The following MARCHF1 variants were observed in gnomAD, a reference collection of about 807,000 sequenced individuals.
MARCHF1 encodes the protein E3 ubiquitin-protein ligase MARCHF1.
A neutral mutation model predicts 54.2 loss-of-function variants in MARCHF1; 40 were observed. The ratio of observed to expected loss-of-function variants is 0.74; its 90% CI spans 0.57 to 0.96. The LOEUF (loss-of-function observed/expected upper bound fraction) is 0.96. Ranked by LOEUF, MARCHF1 falls within the 40% of genes least tolerant of loss-of-function variation. MARCHF1 has a pLI of 0.00. For synonymous variants in MARCHF1, 236 were observed against 236.3 expected, an observed-to-expected ratio of 1.00 and a Z score of 0.01; for missense variants, 586 against 656.5, an observed-to-expected ratio of 0.89 and a Z score of 1.17.
intron 1 of MARCHF1, among the ~76,000 whole-genome samples, chr4:164,234,124 C>T (rs1732485060): frequency 6.6e-6 from 1 of 152,034 alleles, no homozygotes; most frequent in Admixed American, 6.6e-5. Context: ...CTGGGAAAGT[C>T]ACAATGGAAT....
intron 5 of MARCHF1, among the ~76,000 whole-genome samples, chr4:163,676,289 G>T (rs1311464629): frequency 6.6e-6 from 1 of 151,182 alleles, no homozygotes; most frequent in Non-Finnish European, 1.5e-5. Context: ...CGCGGGAGGC[G>T]GATGTTGCAG....
chr4:163,724,900 G>A (rs186116918), intron 4 of MARCHF1, among the ~76,000 whole-genome samples: 180 of 152,228 alleles, frequency 1.2e-3, no homozygotes, highest in Admixed American at 1.8e-3. Flanking sequence ...TCCAGGTGCC[G>A]TCTGTCACCC....
intron 5 of MARCHF1, among the ~76,000 whole-genome samples, chr4:163,680,456 C>G (rs187071329): frequency 2.5e-4 from 38 of 152,256 alleles, no homozygotes; most frequent in Admixed American, 5.2e-4. Flanking sequence ...TTTGTCAAAC[C>G]TAATAATCTT....
chr4:163,569,053 A>G (rs1020887118), intron 8 of MARCHF1, among the ~76,000 whole-genome samples: 54 of 152,204 alleles, frequency 3.5e-4, no homozygotes, highest in African/African-American at 1.2e-3. Context: ...TGAGTTTTTC[A>G]CTTCTGCTTC....
intron 1 of MARCHF1, among the ~76,000 whole-genome samples, chr4:164,158,205 C>G (rs1730128945): frequency 6.6e-6 from 1 of 152,112 alleles, no homozygotes; most frequent in African/African-American, 2.4e-5. Context: ...AAAGACTCTT[C>G]CTATTATATT....
chr4:163,821,586 T>C (rs773743847), intron 4 of MARCHF1, among the ~76,000 whole-genome samples: 8 of 152,154 alleles, frequency 5.3e-5, no homozygotes, highest in Non-Finnish European at 1.2e-4. Context: ...AAAAAATTAA[T>C]CATAAAAATT....
rs146061695 is a variant in MARCHF1, at chr4:163,758,182, T to C, written c.112-57319A>G. Among the ~76,000 whole-genome samples the C allele has an allele frequency of 6.3e-3, 960 of 152,268 alleles. 3 individuals carry two copies. The highest frequency in any genetic ancestry group is 0.011 in the Non-Finnish European group (728 of 68,020). ...TAGTCAGATTTCCTGGGCCAGTCAC[T>C]TGGCTGAGGGATGAGGGAGTCTGGA... On this transcript the variant is annotated intron_variant, in intron 4 of 9. Coordinates refer to ENST00000514618, the MANE Select transcript of MARCHF1 (RefSeq NM_001394959.1).
At chr4:164,072,423 T>C (rs1479672028) in intron 2 of MARCHF1, among the ~76,000 whole-genome samples, 3 of 152,024 alleles carry the variant, frequency 2.0e-5, no homozygotes. Flanking sequence ...TAACTGGGTG[T>C]GGTGGTGTGT....
intron 2 of MARCHF1, among the ~76,000 whole-genome samples, chr4:164,063,875 A>G (rs1188903378): frequency 3.9e-5 from 6 of 152,162 alleles, no homozygotes; most frequent in Admixed American, 6.5e-5. Context: ...AATCTTCTGC[A>G]TATGGCTAGC....
intron 7 of MARCHF1, among the ~76,000 whole-genome samples, chr4:163,607,672 C>T (rs965707307): frequency 6.6e-6 from 1 of 152,106 alleles, no homozygotes; most frequent in African/African-American, 2.4e-5. Context: ...AGACATTTGG[C>T]TTTTCAAATA....
intron 1 of MARCHF1, among the ~76,000 whole-genome samples, chr4:164,236,451 C>CAT (rs1394489243): frequency 3.3e-5 from 5 of 152,052 alleles, no homozygotes; most frequent in Non-Finnish European, 4.4e-5. Context: ...AACTAGACAG[C>CAT]ACTTTGGCAC....
chr4:164,220,583 T>C (rs1197080106), intron 1 of MARCHF1, among the ~76,000 whole-genome samples: 1 of 136,508 alleles, frequency 7.3e-6, no homozygotes, highest in East Asian at 2.1e-4. Context: ...GTAATACATA[T>C]GATATATGTA....
chr4:164,048,634 A>G (rs1754290874), intron 2 of MARCHF1, among the ~76,000 whole-genome samples: 1 of 152,156 alleles, frequency 6.6e-6, no homozygotes, highest in African/African-American at 2.4e-5. Flanking sequence ...TCCAAAGTTG[A>G]TACACTAGAG....
intron 1 of MARCHF1, among the ~76,000 whole-genome samples, chr4:164,132,205 G>A (rs949307987): frequency 1.3e-5 from 2 of 151,706 alleles, no homozygotes; most frequent in South Asian, 2.1e-4. Context: ...CTCTTTCTTC[G>A]TTTCACGAGG....
At chr4:164,160,941 C>A (rs1175487004) in intron 1 of MARCHF1, among the ~76,000 whole-genome samples, 1 of 151,730 alleles carries the variant, frequency 6.6e-6, no homozygotes, top group Non-Finnish European at 1.5e-5. Flanking sequence ...ATACCTAATA[C>A]AAAAAAAATG....
chr4:164,239,800 C>G (rs1686594036), intron 1 of MARCHF1, among the ~76,000 whole-genome samples: 1 of 151,654 alleles, frequency 6.6e-6, no homozygotes, highest in African/African-American at 2.4e-5. Context: ...TCATATTCTT[C>G]TTTTCATTTC....
chr4:163,975,733 C>T (rs567756036), intron 3 of MARCHF1, among the ~76,000 whole-genome samples: 18 of 152,270 alleles, frequency 1.2e-4, no homozygotes, highest in African/African-American at 4.1e-4. Context: ...TTGGCCTCCT[C>T]TATTGAACAA....
At chr4:163,950,166 C>G (rs185014768) in intron 3 of MARCHF1, among the ~76,000 whole-genome samples, 181 of 152,298 alleles carry the variant, frequency 1.2e-3, no homozygotes, top group African/African-American at 4.1e-3. Flanking sequence ...CTGTCTGCCT[C>G]CTGCCGCCAT....
chr4:163,846,777 T>C (rs561449830), intron 4 of MARCHF1, among the ~76,000 whole-genome samples: 1 of 152,200 alleles, frequency 6.6e-6, no homozygotes, highest in Non-Finnish European at 1.5e-5. Context: ...GCAGAAAAGG[T>C]TTAATATACA....
Sources: allele counts gnomAD v4.1 joint callset (sites outside exome capture counted in the v4.1 genomes callset), GRCh38; gene constraint gnomAD v4.1.1; transcripts MANE v1.5; gene names NCBI Gene and HGNC (gene_info 2026-07-23, HGNC 2026-07-21).